GIGYF2: variants seen among roughly 807,000 people sequenced by gnomAD.
GIGYF2 encodes GRB10-interacting GYF protein 2.
A neutral mutation model predicts 208.1 loss-of-function variants in GIGYF2; 25 were observed. The observed-to-expected ratio is 0.12, with a 90% CI of 0.09 to 0.17. The LOEUF is 0.17. GIGYF2 is among the 10% of genes least tolerant of loss of function. The probability of loss-of-function intolerance (pLI) is 1.00; values close to 1 mark genes in which losing one functional copy is unlikely to be tolerated. For synonymous variants in GIGYF2, 534 were observed against 543.8 expected (o/e 0.98, Z 0.25); for missense variants, 1,302 against 1,579.4 (o/e 0.82, Z 2.98).
intron 3 of GIGYF2, among the ~76,000 whole-genome samples, chr2:232,744,331 T>A (rs116584821): frequency 0.012 from 1,869 of 152,286 alleles, 45 homozygotes; most frequent in African/African-American, 0.042. Context: ...TGGTGATTAT[T>A]TGCCAATACC....
chr2:232,833,775 G>A lies in GIGYF2; in HGVS notation c.2766+682G>A, dbSNP rs115427762. On this transcript the variant is annotated intron_variant, in intron 22 of 28. Transcript: ENST00000373563. Reference sequence around the variant, plus strand: ...CATGTAAACGTTCAGATGTGTAAATGGGAACTAGAATATAGGGCTTGAAAC... The same window carrying A: ...CATGTAAACGTTCAGATGTGTAAATAGGAACTAGAATATAGGGCTTGAAAC... Among the ~76,000 whole-genome samples the A allele has an allele frequency of 7.9e-3, 1,202 of 152,210 alleles. 14 individuals carry two copies. Among genetic ancestry groups the A allele is most frequent in the African/African-American group, 0.027 (1,113 of 41,528 alleles).
chr2:232,815,612 CGTT>C lies in GIGYF2; in HGVS notation c.2108-21_2108-19del, dbSNP rs1700883402. 9 of 1,204,996 alleles carry C rather than the reference CGTT, an allele frequency of 7.5e-6. No homozygotes were observed. In the East Asian group the frequency reaches 1.2e-4, roughly 16 times the overall value. The allele number at this position is 1,204,996 out of a possible 1,614,324, so 74.6% of individuals were successfully genotyped here. On this transcript the variant is annotated intron_variant, in intron 18 of 28. Coordinates refer to ENST00000373563, the MANE Select transcript of GIGYF2 (RefSeq NM_001103146.3). ...CATGTGTGTAAGCTCTGTCATTCCTCGTTGTTTCTTTTGTTGTCTTACAGTTTG... is the reference window on the plus strand; with the variant it reads ...CATGTGTGTAAGCTCTGTCATTCCTCGTTTCTTTTGTTGTCTTACAGTTTG...
chr2:232,814,253 A>G (rs61580491), intron 18 of GIGYF2, among the ~76,000 whole-genome samples: 2,320 of 152,136 alleles, frequency 0.015, 70 homozygotes, highest in African/African-American at 0.053. Flanking sequence ...AATTATTTAA[A>G]AATGTTGCAT....
At chr2:232,729,168 G>A (rs900712335) in intron 2 of GIGYF2, among the ~76,000 whole-genome samples, 1 of 151,966 alleles carries the variant, frequency 6.6e-6, no homozygotes, top group Admixed American at 6.6e-5. Context: ...GTGTAGAGAT[G>A]AGGTTTTTGT....
chr2:232,776,444 C>T (rs1699516822), intron 8 of GIGYF2: 1 of 1,603,172 alleles, frequency 6.2e-7, no homozygotes, highest in Non-Finnish European at 8.5e-7. Context: ...CATGTACTCA[C>T]CAGTTCTTTT....
At chr2:232,724,561 T>G (rs1405197754) in intron 2 of GIGYF2, 1 of 152,002 alleles carries the variant, frequency 6.6e-6, no homozygotes, top group Non-Finnish European at 1.5e-5. Flanking sequence ...AAACATTTTT[T>G]TTTTCCTTTT....
At chr2:232,749,889 C>T (rs908119444) in intron 5 of GIGYF2, among the ~76,000 whole-genome samples, 3 of 151,870 alleles carry the variant, frequency 2.0e-5, no homozygotes, top group African/African-American at 4.8e-5. Flanking sequence ...AAATTTTGAA[C>T]GACAAAAATG....
rs372593734 is a variant in GIGYF2, at chr2:232,729,737, A to G, written c.-43-5418A>G. Reference sequence around the variant, plus strand: ...TCTGATGCACTCCTCTAATTTTGCCATATCTGTCTTATCATCCCAAGGTTT... The same window carrying G: ...TCTGATGCACTCCTCTAATTTTGCCGTATCTGTCTTATCATCCCAAGGTTT... On this transcript the variant is annotated intron_variant, in intron 2 of 28. Coordinates refer to ENST00000373563, the MANE Select transcript of GIGYF2 (RefSeq NM_001103146.3). 6.6e-5 allele frequency: 50 copies of G among 754,856 alleles called. 1 individual carries two copies. The African/African-American group carries it at 6.9e-4, about 10-fold the overall frequency. The allele number at this position is 754,856 out of a possible 1,614,324, so 46.8% of individuals were successfully genotyped here. A position where few individuals can be genotyped will look rare whatever the true frequency, so the allele number is the denominator to read the frequency against.
At chr2:232,711,057 G>C (rs2106256153) in intron 2 of GIGYF2, among the ~76,000 whole-genome samples, 1 of 150,810 alleles carries the variant, frequency 6.6e-6, no homozygotes, top group East Asian at 1.9e-4. Context: ...TGCTCTCTAG[G>C]GTATGTATGT....
chr2:232,714,945 C>T (rs1696612254), intron 2 of GIGYF2, among the ~76,000 whole-genome samples: 1 of 152,162 alleles, frequency 6.6e-6, no homozygotes, highest in Non-Finnish European at 1.5e-5. Context: ...CCACCCTCCA[C>T]CCTCTGAGAG....
chr2:232,733,053 A>G (rs1430993270), intron 2 of GIGYF2, among the ~76,000 whole-genome samples: 4 of 152,142 alleles, frequency 2.6e-5, no homozygotes, highest in African/African-American at 9.7e-5. Context: ...TCAGGAGATC[A>G]AGACCATCCT....
intron 3 of GIGYF2, among the ~76,000 whole-genome samples, chr2:232,746,593 TA>T (rs1698159981): frequency 6.6e-6 from 1 of 152,158 alleles, no homozygotes; most frequent in Non-Finnish European, 1.5e-5. Context: ...TTTTTCCCCA[TA>T]AAAATATATT....
rs755938215 is a variant in GIGYF2 at position 232,791,215 on chromosome 2, C to A, written c.1094-43C>A. The A allele has an allele frequency of 6.8e-6, 11 of 1,613,720 alleles. No individual in the cohort carries two copies. The African/African-American group carries it at 1.2e-4, about 18-fold the overall frequency. On this transcript the variant is annotated intron_variant, in intron 11 of 28. Transcript: ENST00000373563. ...TTTGCCTTTTTTTTCCTCCATCAAA[C>A]CAAAACTTTCGTAAGTTCAACTAAG...
At chr2:232,835,051 G>C (rs1701541367) in intron 22 of GIGYF2, among the ~76,000 whole-genome samples, 1 of 152,124 alleles carries the variant, frequency 6.6e-6, no homozygotes, top group Admixed American at 6.6e-5. Flanking sequence ...TTGTGTGCCT[G>C]TTTGTTTAGC....
At chr2:232,714,243 G>T (rs1696569450) in intron 2 of GIGYF2, among the ~76,000 whole-genome samples, 1 of 152,126 alleles carries the variant, frequency 6.6e-6, no homozygotes, top group Admixed American at 6.6e-5. Flanking sequence ...GAGCCACCAT[G>T]CCGGACCGAG....
chr2:232,783,981 C>T (rs963741316), intron 8 of GIGYF2, among the ~76,000 whole-genome samples: 2 of 152,226 alleles, frequency 1.3e-5, no homozygotes, highest in Non-Finnish European at 2.9e-5. Flanking sequence ...AGCCACCACG[C>T]CCAGCCTCAG....
chr2:232,812,296 C>G, intron 17 of GIGYF2, 95 bp from the exon 18 acceptor site: 2 of 688,484 alleles, frequency 2.9e-6, no homozygotes, highest in Non-Finnish European at 5.3e-6. Context: ...GCCAAATAAC[C>G]TGGAGAACCT....
rs139816426 is a variant in GIGYF2, at chr2:232,844,458, T to C, written c.3189T>C (p.Ser1063=). ...ACCAGTGGGCATCTGACCTAGTCAG[T>C]AGTATTTGGAGTAATGCTGACACTA... The part of the protein sequence containing the change: ...PPNQWASDLV[S]SIWSNADTKN... The change falls in exon 25 of 29, where the codon AGT becomes AGC. Residue 1063 remains serine (S), a synonymous_variant. Coordinates refer to ENST00000373563, the MANE Select transcript of GIGYF2 (RefSeq NM_001103146.3). The C allele has an allele frequency of 5.6e-6, 9 of 1,610,314 alleles. No homozygotes were observed. In the African/African-American group the frequency reaches 1.2e-4, roughly 22 times the overall value.
chr2:232,849,700 C>T (rs1019708340), intron 27 of GIGYF2, among the ~76,000 whole-genome samples: 1 of 152,164 alleles, frequency 6.6e-6, no homozygotes, highest in Non-Finnish European at 1.5e-5. Flanking sequence ...CTAATAAGAG[C>T]CACAAGTAGG....
Sources: gnomAD v4.1 joint callset for allele counts (sites outside exome capture counted in the v4.1 genomes callset) on GRCh38, gnomAD v4.1.1 for gene constraint, MANE v1.5 for transcripts, NCBI Gene and HGNC (gene_info 2026-07-23, HGNC 2026-07-21) for gene names.